Variants in SNTG1 observed in about 807,000 individuals in gnomAD.
The protein encoded by SNTG1 is syntrophin gamma 1.
A neutral mutation model predicts 74.7 loss-of-function variants in SNTG1; 39 were observed. That is an observed-to-expected ratio of 0.52 (90% CI 0.40 to 0.68). The LOEUF (loss-of-function observed/expected upper bound fraction) is 0.68. Ranked by LOEUF, SNTG1 falls within the 30% of genes least tolerant of loss-of-function variation. SNTG1 has a pLI of 0.00. For missense variants in SNTG1, 685 were observed against 609.5 expected, an observed-to-expected ratio of 1.12 and a Z score of -1.30; for synonymous variants, 254 against 217.1, an observed-to-expected ratio of 1.17 and a Z score of -1.49.
Position 50,226,665 on chromosome 8 carries a change from C to A in SNTG1, c.-28+54030C>A, listed in dbSNP as rs1005879627. Among the ~76,000 whole-genome samples, 76 of 151,874 alleles carry A rather than the reference C, an allele frequency of 5.0e-4. 1 individual carries two copies. Among genetic ancestry groups the A allele is most frequent in the Admixed American group, 1.9e-3 (29 of 15,234 alleles). On this transcript the variant is annotated intron_variant, in intron 2 of 18. Transcript: ENST00000642720. ...TTAAATTTACCTATAATCTGGAAGC[C>A]CCCCCACCCACTTTGGGTTGTCACC...
chr8:50,107,726 T>C (rs946070510), intron 1 of SNTG1, among the ~76,000 whole-genome samples: 5 of 152,016 alleles, frequency 3.3e-5, no homozygotes, highest in Admixed American at 2.0e-4. Flanking sequence ...AATTTTCATA[T>C]TTTTAGTAGA....
intron 18 of SNTG1, among the ~76,000 whole-genome samples, chr8:50,787,964 G>A (rs538367031): frequency 1.4e-4 from 21 of 152,084 alleles, no homozygotes; most frequent in Non-Finnish European, 2.8e-4. Context: ...TTACTTGCAT[G>A]CTTTAAACAG....
At chr8:50,508,842 T>C (rs2094035436) in intron 9 of SNTG1, among the ~76,000 whole-genome samples, 1 of 151,972 alleles carries the variant, frequency 6.6e-6, no homozygotes, top group African/African-American at 2.4e-5. Flanking sequence ...ATAAGTAGAT[T>C]GCAAAAATTT....
At chr8:50,403,712 A>G (rs748622869) in intron 4 of SNTG1, among the ~76,000 whole-genome samples, 2 of 152,208 alleles carry the variant, frequency 1.3e-5, no homozygotes, top group South Asian at 2.1e-4. Context: ...TTAAGGAGAA[A>G]TATCCTATGG....
intron 8 of SNTG1, among the ~76,000 whole-genome samples, chr8:50,466,480 C>A (rs111687019): frequency 0.018 from 2,746 of 151,910 alleles, 97 homozygotes; most frequent in African/African-American, 0.063. Flanking sequence ...AAACATGAGC[C>A]CTTTAACTTT....
At chr8:49,933,570 T>C (rs1305811741) in intron 1 of SNTG1, among the ~76,000 whole-genome samples, 2 of 152,242 alleles carry the variant, frequency 1.3e-5, no homozygotes, top group Non-Finnish European at 2.9e-5. Flanking sequence ...TGCTTGTGGA[T>C]TTCCAGTTGT....
chr8:50,596,801 T>C (rs1484116280), intron 13 of SNTG1, among the ~76,000 whole-genome samples: 1 of 152,082 alleles, frequency 6.6e-6, no homozygotes, highest in African/African-American at 2.4e-5. Flanking sequence ...AACATAATAA[T>C]TGTACACATG....
At chr8:50,559,474 G>A (rs932554340) in intron 12 of SNTG1, among the ~76,000 whole-genome samples, 1 of 152,066 alleles carries the variant, frequency 6.6e-6, no homozygotes, top group African/African-American at 2.4e-5. Flanking sequence ...AAGCAAACTA[G>A]AGCAGGTTGA....
intron 9 of SNTG1, among the ~76,000 whole-genome samples, chr8:50,515,399 T>G (rs913955097): frequency 1.9e-5 from 2 of 104,124 alleles, no homozygotes; most frequent in Non-Finnish European, 3.5e-5. Context: ...TTTTTTTTTT[T>G]TTTTTTTTTT....
intron 18 of SNTG1, among the ~76,000 whole-genome samples, chr8:50,757,179 GATGAGTTTTCTGGATCT>G (rs1276641108): frequency 6.6e-6 from 1 of 151,702 alleles, no homozygotes; most frequent in Non-Finnish European, 1.5e-5. Flanking sequence ...ATGAGTGTCG[GATGAGTTTTCTGGATCT>G]ATTGATACAG....
At chr8:50,108,659 AC>A (rs1563607652) in intron 1 of SNTG1, among the ~76,000 whole-genome samples, 2 of 152,166 alleles carry the variant, frequency 1.3e-5, no homozygotes, top group African/African-American at 2.4e-5. Context: ...ATTTTCTTGA[AC>A]CTAAAATATT....
At chr8:50,435,817 G>T (rs1436870444) in intron 4 of SNTG1, among the ~76,000 whole-genome samples, 2 of 152,140 alleles carry the variant, frequency 1.3e-5, no homozygotes, top group African/African-American at 4.8e-5. Context: ...GGTGGTTTCT[G>T]CTGACTCTTT....
At chr8:49,910,280 C>A (rs932969989), upstream of SNTG1, among the ~76,000 whole-genome samples, 2 of 152,020 alleles carry the variant, frequency 1.3e-5, no homozygotes, top group African/African-American at 4.8e-5. Context: ...AGTGTTGCGC[C>A]CCGCCCCTCC....
chr8:50,577,949 G>A (rs187836363), intron 12 of SNTG1, among the ~76,000 whole-genome samples: 10 of 152,270 alleles, frequency 6.6e-5, no homozygotes, highest in Admixed American at 6.5e-4. Flanking sequence ...AAAGCACCAA[G>A]AGCACAGAAA....
chr8:49,974,743 C>T (rs1812033234), intron 1 of SNTG1, among the ~76,000 whole-genome samples: 1 of 152,052 alleles, frequency 6.6e-6, no homozygotes, highest in Non-Finnish European at 1.5e-5. Flanking sequence ...ATGTAAGAAG[C>T]TTAAGAAAAA....
chr8:49,976,702 C>T (rs1226845314), intron 1 of SNTG1, among the ~76,000 whole-genome samples: 1 of 152,116 alleles, frequency 6.6e-6, no homozygotes, highest in Non-Finnish European at 1.5e-5. Flanking sequence ...CGGAGGCGCC[C>T]AGGTAGGAGT....
chr8:50,147,853 C>T (rs1207332564), intron 1 of SNTG1, among the ~76,000 whole-genome samples: 1 of 152,180 alleles, frequency 6.6e-6, no homozygotes, highest in African/African-American at 2.4e-5. Flanking sequence ...TGTGCCATGC[C>T]TCAGTTTCTA....
At chr8:50,655,712 AGAC>A (rs1322234509) in intron 13 of SNTG1, among the ~76,000 whole-genome samples, 2 of 152,244 alleles carry the variant, frequency 1.3e-5, no homozygotes, top group African/African-American at 2.4e-5. Flanking sequence ...ATCTATGAGT[AGAC>A]GACAGTAATA....
chr8:50,431,815 T>C (rs2093239704), intron 4 of SNTG1, among the ~76,000 whole-genome samples: 1 of 152,192 alleles, frequency 6.6e-6, no homozygotes, highest in Non-Finnish European at 1.5e-5. Context: ...TTGCTTGCTA[T>C]TTGCATATCT....
Sources: gnomAD v4.1 joint callset for allele counts (sites outside exome capture counted in the v4.1 genomes callset) on GRCh38, gnomAD v4.1.1 for gene constraint, MANE v1.5 for transcripts, NCBI Gene and HGNC (gene_info 2026-07-23, HGNC 2026-07-21) for gene names.